Variants in NXPH1 observed in about 807,000 individuals in gnomAD.
The protein encoded by NXPH1 is neurexophilin 1, also known as neurexophilin-1.
Under a neutral mutation model 23.7 loss-of-function variants are expected in NXPH1, and 5 were observed. The ratio of observed to expected loss-of-function variants is 0.21; its 90% CI spans 0.11 to 0.44. The LOEUF (loss-of-function observed/expected upper bound fraction) is 0.44. Among genes scored for constraint, NXPH1 ranks in the 20% least tolerant of loss-of-function variants. The probability of loss-of-function intolerance (pLI) is 0.99; values close to 1 mark genes in which losing one functional copy is unlikely to be tolerated. For missense variants in NXPH1, 324 were observed against 321.6 expected, an observed-to-expected ratio of 1.01 and a Z score of -0.06; for synonymous variants, 144 against 122.2, an observed-to-expected ratio of 1.18 and a Z score of -1.18.
At chr7:8,693,624 G>T (rs17154007) in intron 2 of NXPH1, among the ~76,000 whole-genome samples, 58,976 of 151,908 alleles carry the variant, frequency 0.39, 11,749 homozygotes, top group East Asian at 0.45. Context: ...ATTTTTGAAG[G>T]TTCATTGTTT....
Position 8,543,892 on chromosome 7 carries a change from A to G in NXPH1, c.54+108125A>G, listed in dbSNP as rs1026031866. On this transcript the variant is annotated intron_variant, in intron 2 of 2. Coordinates refer to ENST00000405863, the MANE Select transcript of NXPH1 (RefSeq NM_152745.3). ...GCTTATGATTTTGCTTTTCATTTGA[A>G]TAATGGAATTTTAGAGCTGGAAGGG... is the stretch of plus-strand genomic sequence containing the variant. 5.3e-5 allele frequency among the ~76,000 whole-genome samples: 8 copies of G among 151,720 alleles called. No homozygotes were observed. The East Asian group carries it at 5.9e-4, about 11-fold the overall frequency.
chr7:8,497,065 A>AGT (rs1817349831), intron 2 of NXPH1, among the ~76,000 whole-genome samples: 1 of 151,852 alleles, frequency 6.6e-6, no homozygotes, highest in Non-Finnish European at 1.5e-5. Flanking sequence ...CCTGTGTCCG[A>AGT]GTGTTCTCAT....
intron 2 of NXPH1, among the ~76,000 whole-genome samples, chr7:8,684,298 C>T (rs930726284): frequency 6.6e-6 from 1 of 152,132 alleles, no homozygotes. Flanking sequence ...TTTCCTCACA[C>T]CAGAGCTTAT....
Position 8,729,221 on chromosome 7 carries a change from C to G in NXPH1, c.55-21787C>G, listed in dbSNP as rs1050475961. Among the ~76,000 whole-genome samples the G allele has an allele frequency of 7.8e-4, 117 of 149,994 alleles. 1 individual carries two copies. The South Asian group carries it at 0.023, about 29-fold the overall frequency. On this transcript the variant is annotated intron_variant, in intron 2 of 2. Coordinates refer to ENST00000405863, the MANE Select transcript of NXPH1 (RefSeq NM_152745.3). Reference sequence around the variant, plus strand: ...CATTTTTTATTGCGTCTATTTGATTCTTCTCTCTTTTTTTCTTTCTTAGTC... The same window carrying G: ...CATTTTTTATTGCGTCTATTTGATTGTTCTCTCTTTTTTTCTTTCTTAGTC...
chr7:8,723,469 T>C (rs1780001498), intron 2 of NXPH1, among the ~76,000 whole-genome samples: 2 of 152,242 alleles, frequency 1.3e-5, no homozygotes, highest in African/African-American at 4.8e-5. Flanking sequence ...TATGCTCATC[T>C]AGGTATTTTG....
At chr7:8,731,999 C>T (rs570607325) in intron 2 of NXPH1, among the ~76,000 whole-genome samples, 32 of 152,344 alleles carry the variant, frequency 2.1e-4, no homozygotes, top group African/African-American at 3.4e-4. Flanking sequence ...CAAGACTCCG[C>T]GGGCATAGGA....
chr7:8,720,775 A>T (rs1446659433), intron 2 of NXPH1, among the ~76,000 whole-genome samples: 4 of 152,334 alleles, frequency 2.6e-5, no homozygotes, highest in South Asian at 4.1e-4. Flanking sequence ...ATTGCTTCCT[A>T]TATGCTCAAA....
At chr7:8,454,614 G>A (rs930881566) in intron 2 of NXPH1, among the ~76,000 whole-genome samples, 7 of 152,074 alleles carry the variant, frequency 4.6e-5, no homozygotes, top group Admixed American at 1.3e-4. Context: ...GGCCCCCACC[G>A]TATCTTTCCT....
chr7:8,557,120 T>C (rs900893125), intron 2 of NXPH1, among the ~76,000 whole-genome samples: 1 of 151,664 alleles, frequency 6.6e-6, no homozygotes, highest in Non-Finnish European at 1.5e-5. Flanking sequence ...ATACCAGTGG[T>C]CACTTGTCCA....
At chr7:8,561,080 A>G (rs913280729) in intron 2 of NXPH1, among the ~76,000 whole-genome samples, 7 of 151,600 alleles carry the variant, frequency 4.6e-5, no homozygotes, top group African/African-American at 1.7e-4. Flanking sequence ...AGCAGCACCA[A>G]TTATAACTAC....
chr7:8,576,521 G>A (rs1289192400), intron 2 of NXPH1, among the ~76,000 whole-genome samples: 1 of 152,188 alleles, frequency 6.6e-6, no homozygotes, highest in Non-Finnish European at 1.5e-5. Flanking sequence ...TCTAGACAAT[G>A]TAGCTTATGG....
intron 2 of NXPH1, among the ~76,000 whole-genome samples, chr7:8,668,854 G>A (rs1002383270): frequency 2.0e-5 from 3 of 151,928 alleles, no homozygotes; most frequent in African/African-American, 7.3e-5. Context: ...CCCTAGCACT[G>A]CCCTGGCACT....
chr7:8,737,712 T>C (rs1780286124), intron 2 of NXPH1, among the ~76,000 whole-genome samples: 1 of 152,214 alleles, frequency 6.6e-6, no homozygotes, highest in Non-Finnish European at 1.5e-5. Context: ...TCCTGGATAA[T>C]ATCCTGAAGA....
chr7:8,708,014 A>C (rs143237396), intron 2 of NXPH1, among the ~76,000 whole-genome samples: 200 of 152,296 alleles, frequency 1.3e-3, no homozygotes, highest in Non-Finnish European at 2.1e-3. Flanking sequence ...AAATAATTTA[A>C]TATGCACTCA....
intron 2 of NXPH1, among the ~76,000 whole-genome samples, chr7:8,742,558 A>T (rs1228806324): frequency 2.5e-5 from 3 of 118,190 alleles, no homozygotes; most frequent in African/African-American, 7.7e-5. Context: ...TGTGTCTCTG[A>T]GATATTTTGT....
chr7:8,523,063 T>G (rs2128615990), intron 2 of NXPH1, among the ~76,000 whole-genome samples: 1 of 152,346 alleles, frequency 6.6e-6, no homozygotes, highest in East Asian at 1.9e-4. Flanking sequence ...GTTGTGAGAA[T>G]GCTAAGAGAG....
At chr7:8,542,180 G>C (rs975115969) in intron 2 of NXPH1, among the ~76,000 whole-genome samples, 1 of 151,298 alleles carries the variant, frequency 6.6e-6, no homozygotes, top group African/African-American at 2.4e-5. Flanking sequence ...ACAAAGCTGG[G>C]TTGGCTATAT....
intron 2 of NXPH1, among the ~76,000 whole-genome samples, chr7:8,694,037 T>C (rs1821264234): frequency 6.6e-6 from 1 of 152,176 alleles, no homozygotes; most frequent in Non-Finnish European, 1.5e-5. Context: ...AAAACAGTTT[T>C]CTGAAACAAA....
intron 2 of NXPH1, among the ~76,000 whole-genome samples, chr7:8,545,968 T>C (rs1818191616): frequency 6.6e-6 from 1 of 151,502 alleles, no homozygotes; most frequent in Non-Finnish European, 1.5e-5. Flanking sequence ...TCACAGTGGG[T>C]AGAGAGACCA....
Sources: allele counts gnomAD v4.1 joint callset (sites outside exome capture counted in the v4.1 genomes callset), GRCh38; gene constraint gnomAD v4.1.1; transcripts MANE v1.5; gene names NCBI Gene and HGNC (gene_info 2026-07-23, HGNC 2026-07-21).